Variants in PRKAG2 observed in about 807,000 individuals in gnomAD.
The protein encoded by PRKAG2 is 5'-AMP-activated protein kinase subunit gamma-2.
Under a neutral mutation model 69.6 loss-of-function variants are expected in PRKAG2, and 26 were observed. That is an observed-to-expected ratio of 0.37 (90% CI 0.27 to 0.52). PRKAG2 has a LOEUF of 0.52. PRKAG2 is among the 20% of genes least tolerant of loss of function. The pLI, the probability that PRKAG2 is intolerant of heterozygous loss-of-function variation, is 0.90. For synonymous variants in PRKAG2, 293 were observed against 285.0 expected (o/e 1.03, Z -0.28); for missense variants, 557 against 740.0 (o/e 0.75, Z 2.87).
intron 3 of PRKAG2, among the ~76,000 whole-genome samples, chr7:151,716,718 T>C (rs1012688331): frequency 2.0e-5 from 3 of 152,062 alleles, no homozygotes; most frequent in Admixed American, 2.0e-4. Context: ...CGGGGACCAG[T>C]GAAATTAGCA....
intron 8 of PRKAG2, among the ~76,000 whole-genome samples, chr7:151,573,937 C>A (rs6966231): frequency 6.6e-6 from 1 of 151,936 alleles, no homozygotes; most frequent in Non-Finnish European, 1.5e-5. Context: ...CGCTGCCACA[C>A]CCAGCTAATT....
intron 1 of PRKAG2, among the ~76,000 whole-genome samples, chr7:151,873,411 CTT>C: frequency 6.6e-6 from 1 of 152,344 alleles, no homozygotes. Context: ...ATTTGCTAGC[CTT>C]TGTCTGAAAG....
intron 3 of PRKAG2, among the ~76,000 whole-genome samples, chr7:151,710,542 T>C (rs921102219): frequency 5.3e-5 from 8 of 152,206 alleles, no homozygotes; most frequent in Admixed American, 5.2e-4. Flanking sequence ...TCAGGGCCCG[T>C]GCATGTGCTG....
intron 14 of PRKAG2, among the ~76,000 whole-genome samples, chr7:151,562,722 C>T (rs570222911): frequency 1.3e-5 from 2 of 152,238 alleles, no homozygotes; most frequent in African/African-American, 4.8e-5. Flanking sequence ...AATCCCAGCA[C>T]TTTGGGAGGC....
At chr7:151,675,330 C>T in intron 4 of PRKAG2, 90 bp downstream of exon 4, 1 of 1,297,214 alleles carries the variant, frequency 7.7e-7, no homozygotes, top group Non-Finnish European at 1.1e-6. Flanking sequence ...TCAGCCTCGG[C>T]TGCAGATAGA....
At chr7:151,790,895 A>G (rs1338464735) in intron 1 of PRKAG2, among the ~76,000 whole-genome samples, 1 of 152,240 alleles carries the variant, frequency 6.6e-6, no homozygotes, top group Non-Finnish European at 1.5e-5. Flanking sequence ...AGATGGTGTA[A>G]AAGAGCTGAG....
At position 151,560,506 on chromosome 7, in the gene PRKAG2, C is replaced by T. The variant is rs201164614; in HGVS notation, c.1678+18G>A. ...CTTCCTAGACGCCGATGGCAAAGGT[C>T]AGAAACCAGCATTTTACCTGCTGGT... On this transcript the variant is annotated intron_variant, in intron 15 of 15. Coordinates refer to ENST00000287878, the MANE Select transcript of PRKAG2 (RefSeq NM_016203.4). 6.3e-5 allele frequency: 102 copies of T among 1,613,946 alleles called. No homozygotes were observed. Among genetic ancestry groups the T allele is most frequent in the Non-Finnish European group, 8.6e-5 (102 of 1,179,986 alleles).
intron 1 of PRKAG2, among the ~76,000 whole-genome samples, chr7:151,827,758 A>AAAAAC (rs1586677729): frequency 1.4e-5 from 2 of 146,910 alleles, no homozygotes; most frequent in Non-Finnish European, 3.0e-5. Context: ...AAAAAAAAAA[A>AAAAAC]AAAAAAAAAA....
chr7:151,824,041 G>C (rs1474518324), intron 1 of PRKAG2, among the ~76,000 whole-genome samples: 1 of 152,130 alleles, frequency 6.6e-6, no homozygotes, highest in African/African-American at 2.4e-5. Flanking sequence ...ACTTATGGAG[G>C]CAGAACCCAA....
chr7:151,795,517 T>C (rs1358284772), intron 1 of PRKAG2, among the ~76,000 whole-genome samples: 1 of 152,082 alleles, frequency 6.6e-6, no homozygotes, highest in Non-Finnish European at 1.5e-5. Flanking sequence ...GTGGAGTCAG[T>C]AACGGTTAAT....
At position 151,763,449 on chromosome 7, in the gene PRKAG2, AG is replaced by A. The variant is rs541768757; in HGVS notation, c.466+17702del. ...AGGGGTGGGCTGGGAGAGGCAGAGG[AG>A]CTCCTGGCTCTTGCACAAGCACCAA... On this transcript the variant is annotated intron_variant, in intron 3 of 15. Coordinates refer to ENST00000287878, the MANE Select transcript of PRKAG2 (RefSeq NM_016203.4). 1.2e-4 allele frequency among the ~76,000 whole-genome samples: 18 copies of A among 152,282 alleles called. 1 individual carries two copies. In the South Asian group the frequency reaches 3.5e-3, roughly 30 times the overall value.
chr7:151,711,375 T>A (rs1563495453), intron 3 of PRKAG2, among the ~76,000 whole-genome samples: 1 of 151,680 alleles, frequency 6.6e-6, no homozygotes. Context: ...GTACTAATAG[T>A]GCTAGGCTAG....
At chr7:151,695,374 G>A (rs1454329597) in intron 3 of PRKAG2, among the ~76,000 whole-genome samples, 1 of 152,336 alleles carries the variant, frequency 6.6e-6, no homozygotes, top group East Asian at 1.9e-4. Flanking sequence ...CCTGCAGGGG[G>A]AGAAGGCCAA....
chr7:151,700,202 G>T (rs562936231), intron 3 of PRKAG2, among the ~76,000 whole-genome samples: 1 of 152,314 alleles, frequency 6.6e-6, no homozygotes, highest in African/African-American at 2.4e-5. Flanking sequence ...AAGTTGAGTG[G>T]CTAGAAAAGA....
intron 4 of PRKAG2, among the ~76,000 whole-genome samples, chr7:151,640,274 C>T (rs1466937584): frequency 6.6e-6 from 1 of 152,210 alleles, no homozygotes; most frequent in Non-Finnish European, 1.5e-5. Context: ...CCTGCCACTG[C>T]ACTCTTGCCT....
At chr7:151,687,664 T>C (rs1234972695) in intron 3 of PRKAG2, among the ~76,000 whole-genome samples, 1 of 151,656 alleles carries the variant, frequency 6.6e-6, no homozygotes, top group Non-Finnish European at 1.5e-5. Flanking sequence ...CTCTGAGAGG[T>C]GAAGTGTGTG....
intron 1 of PRKAG2, among the ~76,000 whole-genome samples, chr7:151,849,815 G>C (rs1037378873): frequency 6.6e-6 from 1 of 152,134 alleles, no homozygotes; most frequent in Admixed American, 6.5e-5. Flanking sequence ...CCCTGCTCTA[G>C]GATGACCTCA....
At chr7:151,763,034 C>T (rs1322785142) in intron 3 of PRKAG2, among the ~76,000 whole-genome samples, 1 of 152,246 alleles carries the variant, frequency 6.6e-6, no homozygotes, top group African/African-American at 2.4e-5. Context: ...TCTGTCCCTG[C>T]TCCCTCTACC....
At chr7:151,653,418 A>C (rs1254575395) in intron 4 of PRKAG2, among the ~76,000 whole-genome samples, 1 of 152,232 alleles carries the variant, frequency 6.6e-6, no homozygotes, top group Non-Finnish European at 1.5e-5. Context: ...AACAAAATGT[A>C]CATAATTTAG....
Sources: gnomAD v4.1 joint callset for allele counts (sites outside exome capture counted in the v4.1 genomes callset) on GRCh38, gnomAD v4.1.1 for gene constraint, MANE v1.5 for transcripts, NCBI Gene and HGNC (gene_info 2026-07-23, HGNC 2026-07-21) for gene names.